The following SLC38A4 variants were observed in gnomAD, a reference collection of about 807,000 sequenced individuals.
SLC38A4 encodes the protein sodium-coupled neutral amino acid transporter 4.
In SLC38A4, 20 loss-of-function variants were observed where a neutral mutation model predicts 63.1. The ratio of observed to expected loss-of-function variants is 0.32; its 90% CI spans 0.22 to 0.46. The LOEUF (loss-of-function observed/expected upper bound fraction) is 0.46. Among genes scored for constraint, SLC38A4 ranks in the 20% least tolerant of loss-of-function variants. The pLI, the probability that SLC38A4 is intolerant of heterozygous loss-of-function variation, is 1.00. For synonymous variants in SLC38A4, 230 were observed against 225.5 expected (o/e 1.02, Z -0.18); for missense variants, 526 against 663.6 (o/e 0.79, Z 2.28).
At position 46,793,098 on chromosome 12, in the gene SLC38A4, C is replaced by T; in HGVS notation, c.-27G>A. 1 of 1,510,306 alleles carries T rather than the reference C, an allele frequency of 6.6e-7. No homozygotes were observed. The highest frequency in any genetic ancestry group is 1.4e-5 in the African/African-American group (1 of 73,040). The allele number at this position is 1,510,306 out of a possible 1,614,324, so 93.6% of individuals were successfully genotyped here. A position where few individuals can be genotyped will look rare whatever the true frequency, so the allele number is the denominator to read the frequency against. On this transcript the variant is annotated 5_prime_UTR_variant, in exon 3 of 17. It adds an upstream start codon to the 5' untranslated region. Transcript: ENST00000266579. ...TGAGCTGTCAGCGCTTTCTTGTCCA[C>T]ACACAAGCCCCTTCAGTGTAAATAA...
chr12:46,816,010 C>G (rs1939435797), intron 1 of SLC38A4, among the ~76,000 whole-genome samples: 2 of 151,904 alleles, frequency 1.3e-5, no homozygotes, highest in South Asian at 4.1e-4. Context: ...TCCAGCACTG[C>G]TGCAACATCT....
chr12:46,771,343 T>C (rs1036004504), intron 14 of SLC38A4, among the ~76,000 whole-genome samples: 3 of 152,116 alleles, frequency 2.0e-5, no homozygotes, highest in Non-Finnish European at 2.9e-5. Flanking sequence ...GTATGAGATA[T>C]AGGCTCATTT....
At chr12:46,790,430 CTT>C (rs1373879828) in intron 3 of SLC38A4, among the ~76,000 whole-genome samples, 1 of 152,160 alleles carries the variant, frequency 6.6e-6, no homozygotes, top group South Asian at 2.1e-4. Flanking sequence ...GCCCACCACT[CTT>C]TTGTGGTTTA....
chr12:46,791,344 A>C (rs1188419335), intron 3 of SLC38A4, among the ~76,000 whole-genome samples: 1 of 152,158 alleles, frequency 6.6e-6, no homozygotes, highest in Non-Finnish European at 1.5e-5. Flanking sequence ...TACTCTGCAG[A>C]CTCCAAAGCC....
intron 1 of SLC38A4, among the ~76,000 whole-genome samples, 187 bp downstream of exon 1, chr12:46,825,716 T>A (rs1011094197): frequency 6.6e-6 from 1 of 152,180 alleles, no homozygotes; most frequent in African/African-American, 2.4e-5. Context: ...AATAGCACTA[T>A]CTAGCATGCA....
chr12:46,800,078 G>A (rs1390973563), intron 2 of SLC38A4, among the ~76,000 whole-genome samples: 3 of 152,096 alleles, frequency 2.0e-5, no homozygotes, highest in Non-Finnish European at 4.4e-5. Context: ...CATAGGCATA[G>A]ATTCTTCTGC....
At chr12:46,810,072 T>G (rs1280143924) in intron 1 of SLC38A4, among the ~76,000 whole-genome samples, 3 of 152,016 alleles carry the variant, frequency 2.0e-5, no homozygotes, top group African/African-American at 7.2e-5. Context: ...CTGCTATATA[T>G]TAAAATGTTC....
intron 16 of SLC38A4, 67 bp from the exon 17 acceptor site, chr12:46,766,869 T>C (rs1938311816): frequency 9.2e-7 from 1 of 1,092,322 alleles, no homozygotes; most frequent in Non-Finnish European, 1.4e-6. Flanking sequence ...TTTTTAGTTG[T>C]TTACATAATA....
At chr12:46,775,554 ACC>A (rs1938506616) in intron 13 of SLC38A4, among the ~76,000 whole-genome samples, 1 of 151,844 alleles carries the variant, frequency 6.6e-6, no homozygotes, top group Non-Finnish European at 1.5e-5. Flanking sequence ...CCCTGTCCCT[ACC>A]TGCGCAGCCA....
At chr12:46,767,934 A>G (rs553262063) in intron 16 of SLC38A4, among the ~76,000 whole-genome samples, 44 of 152,204 alleles carry the variant, frequency 2.9e-4, no homozygotes, top group Admixed American at 1.3e-3. Flanking sequence ...AAACCTAACA[A>G]CCATGACCAA....
chr12:46,823,895 G>A (rs1939598335), intron 1 of SLC38A4, among the ~76,000 whole-genome samples: 1 of 152,182 alleles, frequency 6.6e-6, no homozygotes, highest in African/African-American at 2.4e-5. Context: ...TTGTGAGCAT[G>A]CAGATAAAGA....
Position 46,766,700 on chromosome 12 carries a change from G to A in SLC38A4, c.*1C>T, listed in dbSNP as rs374626375. ...AGAAAAAGAAAGTATTTTTCCTTGT[G>A]TTAGTGATGCTTGGAATTTGGAGGA... On this transcript the variant is annotated 3_prime_UTR_variant, in exon 17 of 17. Transcript: ENST00000266579. 6.0e-5 allele frequency: 96 copies of A among 1,587,584 alleles called. No homozygotes were observed. Among genetic ancestry groups the A allele is most frequent in the Non-Finnish European group, 7.7e-5 (89 of 1,157,456 alleles).
intron 1 of SLC38A4, among the ~76,000 whole-genome samples, chr12:46,813,249 G>T (rs552654402): frequency 1.1e-4 from 17 of 152,064 alleles, no homozygotes; most frequent in African/African-American, 3.4e-4. Context: ...TAAACAAAGA[G>T]ATCTGCATAC....
rs998772755 is a variant in SLC38A4 at position 46,784,761 on chromosome 12, A to G, written c.401-127T>C. The G allele has an allele frequency of 5.8e-6, 4 of 690,674 alleles. No homozygotes were observed. In the African/African-American group the frequency reaches 7.3e-5, roughly 13 times the overall value. 42.8% of individuals were successfully genotyped at this position (690,674 alleles called of 1,614,324 possible). ...CATCATATAGAAATTATAAGCCCAA[A>G]AGATGCAACCTCAAAAACCAATAAG... On this transcript the variant is annotated intron_variant, in intron 6 of 16. Transcript: ENST00000266579.
intron 14 of SLC38A4, 94 bp from the exon 15 acceptor site, chr12:46,769,522 C>CT: frequency 7.3e-7 from 1 of 1,378,614 alleles, no homozygotes; most frequent in Non-Finnish European, 9.8e-7. Flanking sequence ...CATTTTCTTT[C>CT]CTTTTCTTTT....
upstream of SLC38A4, among the ~76,000 whole-genome samples, chr12:46,827,183 T>C (rs182927971): frequency 6.6e-6 from 1 of 152,370 alleles, no homozygotes; most frequent in Non-Finnish European, 1.5e-5. Flanking sequence ...TGGGCTGGAC[T>C]GTCTGGCATG....
intron 1 of SLC38A4, among the ~76,000 whole-genome samples, chr12:46,813,641 AAC>A (rs1939381862): frequency 6.6e-6 from 1 of 152,040 alleles, no homozygotes; most frequent in Non-Finnish European, 1.5e-5. Flanking sequence ...GAAGTCTTCA[AAC>A]ACAGATACTG....
At chr12:46,829,591 A>T (rs1169666428), upstream of SLC38A4, among the ~76,000 whole-genome samples, 1 of 152,238 alleles carries the variant, frequency 6.6e-6, no homozygotes, top group Non-Finnish European at 1.5e-5. Context: ...TTGTGCTGAT[A>T]AACTGACATG....
chr12:46,799,429 C>T (rs552467773), intron 2 of SLC38A4, among the ~76,000 whole-genome samples: 38 of 152,118 alleles, frequency 2.5e-4, no homozygotes, highest in African/African-American at 7.9e-4. Flanking sequence ...TGGCAAAGCT[C>T]CATCTCTCCT....
Sources: gnomAD v4.1 joint callset for allele counts (sites outside exome capture counted in the v4.1 genomes callset) on GRCh38, gnomAD v4.1.1 for gene constraint, MANE v1.5 for transcripts, NCBI Gene and HGNC (gene_info 2026-07-23, HGNC 2026-07-21) for gene names.